PHF3: variants seen among roughly 807,000 people sequenced by gnomAD.
PHF3 encodes PHD finger protein 3.
In PHF3, 41 loss-of-function variants were observed where a neutral mutation model predicts 178.4. The ratio of observed to expected loss-of-function variants is 0.23; its 90% CI spans 0.18 to 0.30. The LOEUF (loss-of-function observed/expected upper bound fraction) is 0.30. PHF3 is among the 10% of genes least tolerant of loss of function. The pLI is 1.00. For missense variants in PHF3, 2,346 were observed against 2,398.1 expected (o/e 0.98, Z 0.45); for synonymous variants, 842 against 800.5 (o/e 1.05, Z -0.88).
Position 63,713,809 on chromosome 6 carries a change from A to G in PHF3, c.*101A>G. 6.1e-6 allele frequency: 6 copies of G among 976,826 alleles called. No homozygotes were observed. Among genetic ancestry groups the G allele is most frequent in the Non-Finnish European group, 8.9e-6 (6 of 674,694 alleles). 60.5% of individuals were successfully genotyped at this position (976,826 alleles called of 1,614,324 possible). On this transcript the variant is annotated 3_prime_UTR_variant, in exon 16 of 16. Transcript: ENST00000262043. ...CTGCTAGGATTGTGCCATCTTTAAA[A>G]TTTTTACTATTGGTCATTTGCAGAA...
intron 13 of PHF3, among the ~76,000 whole-genome samples, chr6:63,707,749 A>G (rs1333317301): frequency 6.6e-6 from 1 of 151,290 alleles, no homozygotes; most frequent in East Asian, 1.9e-4. Context: ...TAAGGCTAAC[A>G]TAAACTTCAC....
intron 10 of PHF3, among the ~76,000 whole-genome samples, chr6:63,702,886 A>AT (rs1344068182): frequency 6.6e-6 from 1 of 151,872 alleles, no homozygotes; most frequent in East Asian, 1.9e-4. Flanking sequence ...ATTTCTTTTT[A>AT]TTTTTTGGTG....
intron 9 of PHF3, 154 bp from the exon 10 acceptor site, chr6:63,702,354 A>C (rs1181898498): frequency 2.2e-6 from 1 of 449,358 alleles, no homozygotes; most frequent in East Asian, 3.6e-5. Flanking sequence ...ATATAAAAGT[A>C]CTCAGAATAT....
chr6:63,721,174 A>C lies in PHF3; in HGVS notation c.*7466A>C. 6.4e-7 allele frequency: 1 copy of C among 1,551,638 alleles called. No homozygotes were observed. The highest frequency in any genetic ancestry group is 1.4e-5 in the African/African-American group (1 of 73,172). On this transcript the variant is annotated 3_prime_UTR_variant, in exon 16 of 16. Coordinates refer to ENST00000262043, the MANE Select transcript of PHF3 (RefSeq NM_001370348.2). Reference sequence around the variant, plus strand: ...CCCATAAATTTTGCAGTTGAAAATGAAGTTTTGTTTTCACAATACCTTCCC... The same window carrying C: ...CCCATAAATTTTGCAGTTGAAAATGCAGTTTTGTTTTCACAATACCTTCCC...
chr6:63,684,375 G>C lies in PHF3; in HGVS notation c.653G>C (p.Ser218Thr), dbSNP rs1766578326. ...GTACCTGAAGTATCAGTGTCTTCAA[G>C]TCATTCTTCAGTGTCATCTTGTCTT... Reference protein sequence around the residue: ...EVVPEVSVSSSHSSVSSCLEM... With the variant: ...EVVPEVSVSSTHSSVSSCLEM... Residue 218 changes from serine to threonine, a missense_variant, in exon 4 of 16, where the codon AGT (serine) becomes ACT (threonine). Transcript: ENST00000262043. The C allele has an allele frequency of 6.2e-7, 1 of 1,613,966 alleles. No individual in the cohort carries two copies.
rs143182226 is a variant in PHF3, at chr6:63,691,926, C to T, written c.2379C>T (p.Phe793=). ...DTLENQATVE[F]HSGDKTMECE... is the part of the protein sequence containing the mutation. ...TGGAAAACCAAGCTACAGTTGAATT[C>T]CATAGTGGAGATAAAACAATGGAGT... is the stretch of plus-strand genomic sequence containing the variant. The change falls in exon 5 of 16, where the codon TTC becomes TTT. Residue 793 remains phenylalanine (F), a synonymous_variant. Coordinates refer to ENST00000262043, the MANE Select transcript of PHF3 (RefSeq NM_001370348.2). The T allele has an allele frequency of 6.2e-7, 1 of 1,613,394 alleles. No individual in the cohort carries two copies.
intron 2 of PHF3, among the ~76,000 whole-genome samples, chr6:63,672,094 G>C (rs1273284932): frequency 6.6e-6 from 1 of 152,198 alleles, no homozygotes; most frequent in Admixed American, 6.5e-5. Flanking sequence ...GTCCGCCTCA[G>C]CCTCCCAAAG....
At chr6:63,693,137 A>C (rs1305870074) in intron 5 of PHF3, among the ~76,000 whole-genome samples, 1 of 152,224 alleles carries the variant, frequency 6.6e-6, no homozygotes, top group African/African-American at 2.4e-5. Flanking sequence ...GTAATTGATA[A>C]TATGGATCTG....
chr6:63,654,873 AT>A (rs1377773310), intron 2 of PHF3, among the ~76,000 whole-genome samples: 1 of 116,216 alleles, frequency 8.6e-6, no homozygotes, highest in Non-Finnish European at 1.8e-5. Context: ...TCAGATAGTT[AT>A]TTGTATTAGG....
rs1257686776 is a variant in PHF3 at position 63,684,252 on chromosome 6, A to G, written c.530A>G (p.Glu177Gly). The G allele has an allele frequency of 1.2e-6, 2 of 1,613,906 alleles. No individual in the cohort carries two copies. Among genetic ancestry groups the G allele is most frequent in the Non-Finnish European group, 1.7e-6 (2 of 1,179,898 alleles). ...STAKAGVKQP[E>G]RSQVKEEVCM... is the part of the protein sequence containing the mutation. ...GCTAAAGCAGGAGTGAAACAACCAG[A>G]AAGGAGTCAGGTTAAAGAAGAAGTA... The change falls in exon 4 of 16, where the codon GAA (glutamate) becomes GGA (glycine). Residue 177 changes from glutamate to glycine, a missense_variant. Glu to Gly is a moderately conservative substitution (Grantham distance 98). Transcript: ENST00000262043.
intron 4 of PHF3, among the ~76,000 whole-genome samples, chr6:63,689,517 G>A (rs1475533292): frequency 6.6e-6 from 1 of 152,136 alleles, no homozygotes; most frequent in Non-Finnish European, 1.5e-5. Context: ...ATGTTTATGT[G>A]ACGTAGAATT....
chr6:63,636,539 C>T (rs1764348077), intron 1 of PHF3: 1 of 152,186 alleles, frequency 6.6e-6, no homozygotes, highest in Non-Finnish European at 1.5e-5. Context: ...AGGCCCGTCT[C>T]GCAGGCCCCC....
intron 14 of PHF3, among the ~76,000 whole-genome samples, chr6:63,710,762 G>A (rs746548940): frequency 6.6e-5 from 10 of 152,134 alleles, no homozygotes; most frequent in Non-Finnish European, 8.8e-5. Context: ...GGTGCTTTTA[G>A]TTCCCAGTGG....
intron 2 of PHF3, among the ~76,000 whole-genome samples, chr6:63,653,370 G>C (rs948292569): frequency 1.3e-5 from 2 of 151,676 alleles, no homozygotes; most frequent in Admixed American, 1.3e-4. Context: ...TTTAATTTCT[G>C]TTATTAGTTT....
chr6:63,663,559 A>G (rs747230938), intron 2 of PHF3, among the ~76,000 whole-genome samples: 13 of 152,086 alleles, frequency 8.5e-5, no homozygotes, highest in East Asian at 1.9e-4. Flanking sequence ...CAGACTTTAT[A>G]TTATTTTCCT....
chr6:63,682,646 A>G (rs538226970), intron 3 of PHF3, among the ~76,000 whole-genome samples: 1 of 152,246 alleles, frequency 6.6e-6, no homozygotes, highest in East Asian at 1.9e-4. Context: ...AATGAAAAGA[A>G]TAGAATAAAC....
intron 2 of PHF3, among the ~76,000 whole-genome samples, chr6:63,648,992 C>A (rs995747638): frequency 6.6e-6 from 1 of 151,922 alleles, no homozygotes; most frequent in Non-Finnish European, 1.5e-5. Context: ...AAAAGGCCCA[C>A]ACATTTTCTG....
chr6:63,710,767 C>T lies in PHF3; in HGVS notation c.3802-400C>T, dbSNP rs1767891708. On this transcript the variant is annotated intron_variant, in intron 14 of 15. Transcript: ENST00000262043. ...GGAAGTGTTGGGTGCTTTTAGTTCC[C>T]AGTGGTTCAAGAACATAAGCAGCCC... Among the ~76,000 whole-genome samples, 3 of 152,026 alleles carry T rather than the reference C, an allele frequency of 2.0e-5. No homozygotes were observed. The South Asian group carries it at 6.2e-4, about 32-fold the overall frequency.
In PHF3 at chr6:63,684,936, C is replaced by T. The variant is rs140230222; in HGVS notation, c.1214C>T (p.Ala405Val). ...KIEPLGYCED[A>V]ESNRQLESTE... ...GAACCGTTGGGTTATTGTGAAGATG[C>T]GGAGTCTAATAGGCAGTTGGAGAGC... Residue 405 changes from alanine (A) to valine (V), a missense_variant, in exon 4 of 16, where the codon GCG (alanine) becomes GTG (valine). By Grantham distance (64) the Ala-to-Val change is moderately conservative. Transcript: ENST00000262043. 1,871 of 1,613,940 alleles carry T rather than the reference C, an allele frequency of 1.2e-3. 3 individuals are homozygous for T. Among genetic ancestry groups the T allele is most frequent in the Non-Finnish European group, 1.4e-3 (1,708 of 1,179,876 alleles).
Sources: gnomAD v4.1 joint callset for allele counts (sites outside exome capture counted in the v4.1 genomes callset) on GRCh38, gnomAD v4.1.1 for gene constraint, MANE v1.5 for transcripts, NCBI Gene and HGNC (gene_info 2026-07-23, HGNC 2026-07-21) for gene names.